Variants in ARNT2 observed in about 807,000 individuals in gnomAD.
ARNT2 encodes the protein aryl hydrocarbon receptor nuclear translocator 2, also known as ARNT protein 2.
A neutral mutation model predicts 91.7 loss-of-function variants in ARNT2; 36 were observed. The observed-to-expected ratio is 0.39, with a 90% CI of 0.30 to 0.52. ARNT2 has a LOEUF of 0.52. Ranked by LOEUF, ARNT2 falls within the 20% of genes least tolerant of loss-of-function variation. The pLI is 0.72. For missense variants in ARNT2, 775 were observed against 939.3 expected (o/e 0.83, Z 2.29); for synonymous variants, 365 against 347.1 (o/e 1.05, Z -0.57).
intron 11 of ARNT2, among the ~76,000 whole-genome samples, chr15:80,557,164 A>G (rs982655021): frequency 2.0e-5 from 3 of 152,088 alleles, no homozygotes; most frequent in African/African-American, 7.2e-5. Context: ...ATGTGGATAG[A>G]ACTCTTAACC....
intron 8 of ARNT2, among the ~76,000 whole-genome samples, chr15:80,528,044 G>A (rs193192431): frequency 6.6e-6 from 1 of 152,292 alleles, no homozygotes; most frequent in African/African-American, 2.4e-5. Context: ...GAAAGCAAAG[G>A]GACCATAAAG....
rs147393234 is a variant in ARNT2, at chr15:80,453,752, G to C, written c.146+2758G>C. Among the ~76,000 whole-genome samples, 75 of 152,246 alleles carry C rather than the reference G, an allele frequency of 4.9e-4. 1 individual carries two copies. The East Asian group carries it at 0.012, about 24-fold the overall frequency. On this transcript the variant is annotated intron_variant, in intron 2 of 18. Transcript: ENST00000303329. ...TCTTCCACCTCCCTTTTCCATCTGA[G>C]AATGTGGGACATGGTGGAGAGACTC...
chr15:80,518,811 G>C (rs896116071), intron 8 of ARNT2, among the ~76,000 whole-genome samples: 1 of 152,106 alleles, frequency 6.6e-6, no homozygotes, highest in East Asian at 1.9e-4. Flanking sequence ...CCTCTTTTCC[G>C]TAGGTGAGAT....
At chr15:80,581,479 G>T in intron 17 of ARNT2, 75 bp downstream of exon 17, 2 of 1,580,360 alleles carry the variant, frequency 1.3e-6, no homozygotes, top group Non-Finnish European at 1.7e-6. Context: ...AATTCAGGAG[G>T]CTGAGCTCCA....
chr15:80,528,193 G>A (rs1359110856), intron 8 of ARNT2, among the ~76,000 whole-genome samples: 1 of 152,134 alleles, frequency 6.6e-6, no homozygotes, highest in East Asian at 1.9e-4. Context: ...CACAGGCGGG[G>A]GTGGCAAGGA....
chr15:80,448,311 G>A (rs1896335416), intron 1 of ARNT2, among the ~76,000 whole-genome samples: 1 of 152,148 alleles, frequency 6.6e-6, no homozygotes. Flanking sequence ...TGCTCTGAAA[G>A]TTCTGGCCAA....
chr15:80,564,957 C>G (rs763109685), intron 12 of ARNT2, among the ~76,000 whole-genome samples: 1 of 149,904 alleles, frequency 6.7e-6, no homozygotes, highest in Non-Finnish European at 1.5e-5. Context: ...CAGAATCTCA[C>G]TCCGTCACCT....
intron 1 of ARNT2, among the ~76,000 whole-genome samples, chr15:80,426,538 C>T (rs951939652): frequency 1.3e-5 from 2 of 152,062 alleles, no homozygotes; most frequent in African/African-American, 4.8e-5. Flanking sequence ...TGCATGGGAG[C>T]GGGTAGGGCT....
At chr15:80,475,331 G>A (rs1477400529) in intron 5 of ARNT2, 108 bp downstream of exon 5, 2 of 1,126,454 alleles carry the variant, frequency 1.8e-6, no homozygotes, top group African/African-American at 3.1e-5. Context: ...GAGGCGGGTG[G>A]ATCACGAGGT....
intron 1 of ARNT2, among the ~76,000 whole-genome samples, chr15:80,450,455 C>T (rs2141380243): frequency 6.6e-6 from 1 of 152,312 alleles, no homozygotes; most frequent in South Asian, 2.1e-4. Context: ...CAGTGGCGGG[C>T]ACTGCAGCAG....
chr15:80,540,281 TGA>T (rs1897885819), intron 8 of ARNT2, among the ~76,000 whole-genome samples: 1 of 152,210 alleles, frequency 6.6e-6, no homozygotes, highest in Admixed American at 6.5e-5. Context: ...CAGCAGTGTG[TGA>T]GTGTTCCAGT....
At chr15:80,542,711 G>C (rs951421134) in intron 8 of ARNT2, among the ~76,000 whole-genome samples, 4 of 152,134 alleles carry the variant, frequency 2.6e-5, no homozygotes, top group Non-Finnish European at 5.9e-5. Flanking sequence ...TTATCTCTAG[G>C]TAGATGATCT....
chr15:80,562,884 T>C (rs1898392527), intron 11 of ARNT2: 2 of 664,468 alleles, frequency 3.0e-6, no homozygotes, highest in South Asian at 3.5e-5. Context: ...ATGACCCAGA[T>C]GCAGCACCCC....
chr15:80,594,063 A>C lies in ARNT2; in HGVS notation c.*365A>C, dbSNP rs971247333. The C allele has an allele frequency of 3.2e-5, 6 of 187,772 alleles. No homozygotes were observed. The highest frequency in any genetic ancestry group is 6.6e-5 in the Non-Finnish European group (6 of 91,314). 11.6% of individuals were successfully genotyped at this position (187,772 alleles called of 1,614,324 possible). ...CCCAGAGTGACCAAGCAGCACCAGC[A>C]GGCCTGCCCAGGATGCTGAAAGCAG... On this transcript the variant is annotated 3_prime_UTR_variant, in exon 19 of 19. Transcript: ENST00000303329.
chr15:80,404,735 G>A lies in ARNT2; in HGVS notation c.31+189G>A, dbSNP rs1162384250. 2.6e-5 allele frequency among the ~76,000 whole-genome samples: 4 copies of A among 152,096 alleles called. No individual in the cohort carries two copies. Among genetic ancestry groups the A allele is most frequent in the Admixed American group, 2.6e-4 (4 of 15,292 alleles). On this transcript the variant is annotated intron_variant, in intron 1 of 18. Coordinates refer to ENST00000303329, the MANE Select transcript of ARNT2 (RefSeq NM_014862.4). This position sits in a 1 kb window ranked among gnomAD's most constrained non-coding sequence, Gnocchi z 5.5. Reference sequence around the variant, plus strand: ...GAGCGGCATCTGCATCCCAATCGCTGCCCATCCGGTCCCGGGCAGGCGCCG... The same window carrying A: ...GAGCGGCATCTGCATCCCAATCGCTACCCATCCGGTCCCGGGCAGGCGCCG...
At chr15:80,565,074 C>T (rs1029719483) in intron 12 of ARNT2, among the ~76,000 whole-genome samples, 8 of 152,076 alleles carry the variant, frequency 5.3e-5, no homozygotes, top group African/African-American at 1.7e-4. Context: ...AGGCACACAC[C>T]ACCACGCCTG....
At chr15:80,576,459 T>C (rs895573355) in intron 14 of ARNT2, among the ~76,000 whole-genome samples, 1 of 152,124 alleles carries the variant, frequency 6.6e-6, no homozygotes, top group Admixed American at 6.5e-5. Context: ...GTATTTTTAG[T>C]GGAGACAAGG....
intron 3 of ARNT2, among the ~76,000 whole-genome samples, chr15:80,463,219 T>A (rs1428846457): frequency 6.6e-6 from 1 of 152,188 alleles, no homozygotes; most frequent in Non-Finnish European, 1.5e-5. Flanking sequence ...CCCCTTTTTT[T>A]ATCTGGCCTC....
Position 80,440,855 on chromosome 15 carries a change from G to A in ARNT2, c.32-10025G>A, listed in dbSNP as rs187024278. Reference sequence around the variant, plus strand: ...AAGAATGTCTTACAGAGGATCTCACGGCTGGTTAAAGCCGAGCATGGATCT... The same window carrying A: ...AAGAATGTCTTACAGAGGATCTCACAGCTGGTTAAAGCCGAGCATGGATCT... On this transcript the variant is annotated intron_variant, in intron 1 of 18. Coordinates refer to ENST00000303329, the MANE Select transcript of ARNT2 (RefSeq NM_014862.4). Among the ~76,000 whole-genome samples, 333 of 152,272 alleles carry A rather than the reference G, an allele frequency of 2.2e-3. 1 individual carries two copies. The highest frequency in any genetic ancestry group is 7.5e-3 in the African/African-American group (312 of 41,528).
Sources: allele counts gnomAD v4.1 joint callset (sites outside exome capture counted in the v4.1 genomes callset), GRCh38; gene constraint gnomAD v4.1.1; non-coding constraint Gnocchi (gnomAD v3.1); transcripts MANE v1.5; gene names NCBI Gene and HGNC (gene_info 2026-07-23, HGNC 2026-07-21).